Variants in ABI1 observed in about 807,000 individuals in gnomAD.
ABI1 encodes Abelson interactor 1.
In ABI1, 14 loss-of-function variants were observed where a neutral mutation model predicts 54.6. That is an observed-to-expected ratio of 0.26 (90% confidence interval 0.17 to 0.40). ABI1 has a LOEUF of 0.40. Among genes scored for constraint, ABI1 ranks in the 10% least tolerant of loss-of-function variants. The pLI is 1.00. For synonymous variants in ABI1, 194 were observed against 209.3 expected (o/e 0.93, Z 0.63); for missense variants, 443 against 598.3 (o/e 0.74, Z 2.71).
At chr10:26,831,988 T>A (rs918113790) in intron 1 of ABI1, among the ~76,000 whole-genome samples, 1 of 152,228 alleles carries the variant, frequency 6.6e-6, no homozygotes, top group Non-Finnish European at 1.5e-5. Flanking sequence ...GTCAAAAAAA[T>A]GTTTTACAAC....
chr10:26,776,116 T>C (rs1001081021), intron 3 of ABI1, among the ~76,000 whole-genome samples: 3 of 152,172 alleles, frequency 2.0e-5, no homozygotes, highest in African/African-American at 7.2e-5. Context: ...GCATTTGCAA[T>C]GTGTTCCAAT....
In ABI1 at chr10:26,762,591, A is replaced by G. The variant is rs577019484; in HGVS notation, c.820+2627T>C. 5.9e-5 allele frequency among the ~76,000 whole-genome samples: 9 copies of G among 152,326 alleles called. No individual in the cohort carries two copies. In the South Asian group the frequency reaches 1.9e-3, roughly 32 times the overall value. The stretch of plus-strand genomic sequence containing the variant: ...CCATATTAGATACTGAAACTGATAT[A>G]TCTTTAAAACATATGAATACACAAG... On this transcript the variant is annotated intron_variant, in intron 7 of 10. Transcript: ENST00000376140.
At chr10:26,817,913 T>C (rs1243277570) in intron 2 of ABI1, among the ~76,000 whole-genome samples, 2 of 151,826 alleles carry the variant, frequency 1.3e-5, no homozygotes, top group Non-Finnish European at 2.9e-5. Flanking sequence ...CCCAGCACTT[T>C]GGGAGGCCGA....
At chr10:26,778,068 T>A (rs899616778) in intron 2 of ABI1, among the ~76,000 whole-genome samples, 1 of 151,396 alleles carries the variant, frequency 6.6e-6, no homozygotes, top group African/African-American at 2.4e-5. Context: ...AGTCAAGAGG[T>A]AGATATGAAA....
At chr10:26,780,960 T>C (rs1008838631) in intron 2 of ABI1, among the ~76,000 whole-genome samples, 1 of 152,180 alleles carries the variant, frequency 6.6e-6, no homozygotes, top group Non-Finnish European at 1.5e-5. Flanking sequence ...TATAGTGGTA[T>C]TGATATTTTA....
chr10:26,818,095 G>A (rs905161423), intron 2 of ABI1, among the ~76,000 whole-genome samples: 3 of 137,452 alleles, frequency 2.2e-5, no homozygotes, highest in Non-Finnish European at 4.6e-5. Context: ...GGAGGCAGAG[G>A]TTGCAGTGAG....
At chr10:26,813,184 G>A (rs1274271346) in intron 2 of ABI1, among the ~76,000 whole-genome samples, 2 of 151,882 alleles carry the variant, frequency 1.3e-5, no homozygotes, top group African/African-American at 4.8e-5. Flanking sequence ...AGGAGGCGGA[G>A]GTTGCAATGG....
In ABI1 at chr10:26,770,360, G is replaced by T. The variant is rs766858306; in HGVS notation, c.478-15C>A. 18 of 1,603,662 alleles carry T rather than the reference G, an allele frequency of 1.1e-5. No individual in the cohort carries two copies. The highest frequency in any genetic ancestry group is 1.5e-5 in the Non-Finnish European group (18 of 1,170,714). Reference sequence around the variant, plus strand: ...TTATTTCCATGCTAAAATGTAGAAAGAAATGCTTTTATTTTTATATCAAAT... The same window carrying T: ...TTATTTCCATGCTAAAATGTAGAAATAAATGCTTTTATTTTTATATCAAAT... On this transcript the variant is annotated splice_polypyrimidine_tract_variant and intron_variant, in intron 4 of 10. Coordinates refer to ENST00000376140, the MANE Select transcript of ABI1 (RefSeq NM_001012750.3).
At chr10:26,802,820 T>G (rs1360274792) in intron 2 of ABI1, among the ~76,000 whole-genome samples, 2 of 152,128 alleles carry the variant, frequency 1.3e-5, no homozygotes, top group Non-Finnish European at 2.9e-5. Context: ...GAAATAAATA[T>G]TCTGAATTGG....
chr10:26,804,802 C>T (rs1436543118), intron 2 of ABI1, among the ~76,000 whole-genome samples: 1 of 152,162 alleles, frequency 6.6e-6, no homozygotes, highest in East Asian at 1.9e-4. Context: ...CTCCAAAATA[C>T]ACCACACTGT....
At chr10:26,814,976 T>C (rs1269892078) in intron 2 of ABI1, among the ~76,000 whole-genome samples, 1 of 152,122 alleles carries the variant, frequency 6.6e-6, no homozygotes, top group African/African-American at 2.4e-5. Flanking sequence ...ATGTCCTAAT[T>C]GGCACATAAT....
In ABI1 at chr10:26,860,654, A is replaced by G; in HGVS notation, c.117+93T>C. On this transcript the variant is annotated intron_variant, in intron 1 of 10. Coordinates refer to ENST00000376140, the MANE Select transcript of ABI1 (RefSeq NM_001012750.3). This position sits in a 1 kb window ranked among gnomAD's most constrained non-coding sequence, Gnocchi z 4.1. ...GGGCTCGGGTTGGTGGCAGCCGCTGAGGTCAGGGCAGTTCCCCACCCCGCC... is the reference window on the plus strand; with the variant it reads ...GGGCTCGGGTTGGTGGCAGCCGCTGGGGTCAGGGCAGTTCCCCACCCCGCC... 2 of 979,420 alleles carry G rather than the reference A, an allele frequency of 2.0e-6. No individual in the cohort carries two copies. The highest frequency in any genetic ancestry group is 3.2e-6 in the Non-Finnish European group (2 of 621,464). 60.7% of individuals were successfully genotyped at this position (979,420 alleles called of 1,614,324 possible).
At chr10:26,834,254 T>G (rs1431090716) in intron 1 of ABI1, among the ~76,000 whole-genome samples, 1 of 151,764 alleles carries the variant, frequency 6.6e-6, no homozygotes, top group Admixed American at 6.6e-5. Context: ...GAAAAAAAAT[T>G]AATATACTGG....
intron 2 of ABI1, among the ~76,000 whole-genome samples, chr10:26,780,773 TGGATACA>T (rs758206197): frequency 9.8e-4 from 149 of 152,254 alleles, no homozygotes; most frequent in Middle Eastern, 3.4e-3. Context: ...ATGGCTCTGT[TGGATACA>T]GGAGCCCAAG....
At chr10:26,772,307 T>C (rs914240551) in intron 3 of ABI1, among the ~76,000 whole-genome samples, 2 of 152,122 alleles carry the variant, frequency 1.3e-5, no homozygotes, top group African/African-American at 4.8e-5. Context: ...AGTATCTGTA[T>C]TATGATATAT....
intron 1 of ABI1, among the ~76,000 whole-genome samples, chr10:26,852,517 T>C (rs1400320290): frequency 6.6e-6 from 1 of 152,160 alleles, no homozygotes; most frequent in East Asian, 1.9e-4. Flanking sequence ...TTGTTACAAC[T>C]CTTAAGTTGC....
At chr10:26,771,717 C>G (rs1205193055) in intron 3 of ABI1, among the ~76,000 whole-genome samples, 1 of 152,108 alleles carries the variant, frequency 6.6e-6, no homozygotes, top group Non-Finnish European at 1.5e-5. Context: ...CTCTCTCATT[C>G]CTAGCTTCTG....
At chr10:26,808,323 T>A (rs537867425) in intron 2 of ABI1, among the ~76,000 whole-genome samples, 1 of 152,296 alleles carries the variant, frequency 6.6e-6, no homozygotes, top group African/African-American at 2.4e-5. Flanking sequence ...AGAAACTAAA[T>A]CCATAGCATT....
At chr10:26,839,997 AC>A (rs1328773874) in intron 1 of ABI1, among the ~76,000 whole-genome samples, 1 of 152,038 alleles carries the variant, frequency 6.6e-6, no homozygotes, top group Non-Finnish European at 1.5e-5. Flanking sequence ...ATCAAAAAAA[AC>A]AAAAACAAAA....
Sources: allele counts gnomAD v4.1 joint callset (sites outside exome capture counted in the v4.1 genomes callset), GRCh38; gene constraint gnomAD v4.1.1; non-coding constraint Gnocchi (gnomAD v3.1); transcripts MANE v1.5; gene names NCBI Gene and HGNC (gene_info 2026-07-23, HGNC 2026-07-21).